Variants in ZNF69 observed in about 807,000 individuals in gnomAD.
ZNF69 encodes ZNF3.
ZNF69 carries 47 observed loss-of-function variants against 50.9 expected under a neutral mutation model. The observed-to-expected ratio is 0.92, with a 90% confidence interval of 0.73 to 1.18. ZNF69 has a LOEUF of 1.18. Ranked by LOEUF, ZNF69 falls within the 50% of genes most tolerant of loss-of-function variation. The probability of loss-of-function intolerance (pLI) is 0.00; values close to 1 mark genes in which losing one functional copy is unlikely to be tolerated. For missense variants in ZNF69, 717 were observed against 675.1 expected (o/e 1.06, Z -0.69); for synonymous variants, 216 against 223.1 (o/e 0.97, Z 0.29).
chr19:11,925,645 C>G, the ZNF69 span, among the ~76,000 whole-genome samples: 7 of 152,180 alleles, frequency 4.6e-5, no homozygotes, highest in African/African-American at 9.6e-5. Context: ...CTGTGGGGCC[C>G]CCAGTCCCCA....
the ZNF69 span, among the ~76,000 whole-genome samples, chr19:11,926,198 G>T: frequency 6.6e-6 from 1 of 152,114 alleles, no homozygotes; most frequent in Non-Finnish European, 1.5e-5. Context: ...GTGGCCTTAG[G>T]TTTTGTTTGT....
At chr19:11,937,789 A>G in the ZNF69 span, among the ~76,000 whole-genome samples, 6 of 152,034 alleles carry the variant, frequency 3.9e-5, no homozygotes, top group Non-Finnish European at 7.4e-5. Context: ...CACCTGGCCT[A>G]TAGATTTTTC....
At chr19:11,916,210 T>G (rs1441274618), downstream of ZNF69, among the ~76,000 whole-genome samples, 1 of 152,094 alleles carries the variant, frequency 6.6e-6, no homozygotes, top group Non-Finnish European at 1.5e-5. Context: ...AACAAAAAAG[T>G]CTAGGTACTG....
the ZNF69 span, chr19:11,926,642 G>A: frequency 6.5e-6 from 1 of 154,272 alleles, no homozygotes; most frequent in East Asian, 1.9e-4. Flanking sequence ...ACCCACCTCA[G>A]CCTCCCAAAG....
At chr19:11,961,418 A>T in the ZNF69 span, among the ~76,000 whole-genome samples, 1 of 152,200 alleles carries the variant, frequency 6.6e-6, no homozygotes, top group Non-Finnish European at 1.5e-5. Flanking sequence ...GTGTTTTGTT[A>T]TACTAGCCTG....
intron 1 of ZNF69, among the ~76,000 whole-genome samples, chr19:11,890,689 A>G (rs1177248209): frequency 6.6e-6 from 1 of 152,134 alleles, no homozygotes; most frequent in Non-Finnish European, 1.5e-5. Flanking sequence ...CGAACTCCTG[A>G]CCTCAAGTTA....
At chr19:11,963,396 C>G in the ZNF69 span, among the ~76,000 whole-genome samples, 68 of 152,318 alleles carry the variant, frequency 4.5e-4, 1 homozygote, top group African/African-American at 1.6e-3. Flanking sequence ...TATCCGGCCT[C>G]CCAGGCTGTT....
At chr19:11,924,699 C>A in the ZNF69 span, among the ~76,000 whole-genome samples, 1 of 152,106 alleles carries the variant, frequency 6.6e-6, no homozygotes, top group East Asian at 1.9e-4. Flanking sequence ...AGGACATATG[C>A]CTCTCCTCCT....
downstream of ZNF69, among the ~76,000 whole-genome samples, chr19:11,909,586 G>A (rs1211369888): frequency 1.3e-5 from 2 of 152,170 alleles, no homozygotes; most frequent in Admixed American, 6.6e-5. Flanking sequence ...TATCTGAATA[G>A]ATGCAGAAAA....
chr19:11,965,863 A>G, the ZNF69 span, among the ~76,000 whole-genome samples: 1 of 152,182 alleles, frequency 6.6e-6, no homozygotes, highest in Non-Finnish European at 1.5e-5. Flanking sequence ...AGGGAAAATC[A>G]TGAATCAGTG....
chr19:11,929,162 T>C, the ZNF69 span, among the ~76,000 whole-genome samples: 1 of 148,114 alleles, frequency 6.8e-6, no homozygotes, highest in African/African-American at 2.6e-5. Flanking sequence ...TGAATTACTT[T>C]GTTGTTTTTG....
At chr19:11,952,038 G>A in the ZNF69 span, among the ~76,000 whole-genome samples, 14,389 of 151,982 alleles carry the variant, frequency 0.095, 1,270 homozygotes, top group African/African-American at 0.24. Flanking sequence ...AGCCAGGTGT[G>A]GTTGCATGCT....
chr19:11,933,403 T>C, the ZNF69 span, among the ~76,000 whole-genome samples: 4 of 148,324 alleles, frequency 2.7e-5, no homozygotes, highest in South Asian at 8.4e-4. Flanking sequence ...TACATGAAAC[T>C]TCACTCTTTT....
At chr19:11,902,102 C>G (rs1038426053) in intron 1 of ZNF69, among the ~76,000 whole-genome samples, 2 of 151,578 alleles carry the variant, frequency 1.3e-5, no homozygotes, top group African/African-American at 4.9e-5. Flanking sequence ...CCTGCCTCAG[C>G]CTCCTGAGTA....
the ZNF69 span, among the ~76,000 whole-genome samples, chr19:11,930,598 T>C: frequency 2.7e-5 from 4 of 148,848 alleles, 1 homozygote; most frequent in Non-Finnish European, 5.9e-5. Flanking sequence ...GGTAGTGGAT[T>C]GATTATTCTC....
At chr19:11,978,607 A>G in the ZNF69 span, 399 of 1,614,202 alleles carry the variant, frequency 2.5e-4, 2 homozygotes, top group African/African-American at 4.8e-3. Context: ...GAGAAACCGT[A>G]TGAATGTAAA....
At chr19:11,944,268 TATA>T in the ZNF69 span, among the ~76,000 whole-genome samples, 1 of 152,198 alleles carries the variant, frequency 6.6e-6, no homozygotes, top group Non-Finnish European at 1.5e-5. Context: ...AGGGCTATGA[TATA>T]ATATTTCATA....
chr19:11,917,434 ACCTAGGAGTGGGCCAGCCTGG>A (rs1175284910), downstream of ZNF69, among the ~76,000 whole-genome samples: 1 of 152,112 alleles, frequency 6.6e-6, no homozygotes, highest in Non-Finnish European at 1.5e-5. Flanking sequence ...TTCACACACT[ACCTAGGAGTGGGCCAGCCTGG>A]CCTGTGTCTC....
chr19:11,965,419 C>T, the ZNF69 span, among the ~76,000 whole-genome samples: 1 of 152,198 alleles, frequency 6.6e-6, no homozygotes, highest in Non-Finnish European at 1.5e-5. Flanking sequence ...CCTGTCCCTG[C>T]GCGGTGACTG....
Sources: gnomAD v4.1 joint callset for allele counts (sites outside exome capture counted in the v4.1 genomes callset) on GRCh38, gnomAD v4.1.1 for gene constraint, MANE v1.5 for transcripts, NCBI Gene and HGNC (gene_info 2026-07-23, HGNC 2026-07-21) for gene names.